XKRX: variants seen among roughly 807,000 people sequenced by gnomAD.
The protein encoded by XKRX is XK-related protein 2.
XKRX carries 11 observed loss-of-function variants against 22.4 expected under a neutral mutation model. The ratio of observed to expected loss-of-function variants is 0.49; its 90% CI spans 0.31 to 0.81. The LOEUF is 0.81. Among genes scored for constraint, XKRX ranks in the 40% least tolerant of loss-of-function variants. The probability of loss-of-function intolerance (pLI) is 0.05; values close to 1 mark genes in which losing one functional copy is unlikely to be tolerated. For missense variants in XKRX, 320 were observed against 336.5 expected (o/e 0.95, Z 0.38); for synonymous variants, 114 against 132.2 (o/e 0.86, Z 0.94).
downstream of XKRX, chrX:100,911,111 G>A (rs1246952498): frequency 1.2e-5 from 7 of 571,056 alleles, no homozygotes; most frequent in Non-Finnish European, 1.6e-5. Context: ...AGTATTAAAA[G>A]TTATTCGAAC....
intron 1 of XKRX, among the ~76,000 whole-genome samples, chrX:100,925,307 G>C (rs1469216407): frequency 8.9e-6 from 1 of 112,127 alleles, no homozygotes; most frequent in Non-Finnish European, 1.9e-5. Context: ...AAGTATGCTT[G>C]CATTTCATGT....
intron 1 of XKRX, among the ~76,000 whole-genome samples, chrX:100,924,617 T>G (rs1025678351): frequency 8.9e-6 from 1 of 112,067 alleles, no homozygotes; most frequent in Non-Finnish European, 1.9e-5. Flanking sequence ...GGACTACTTA[T>G]GACTAGTAAG....
intron 1 of XKRX, among the ~76,000 whole-genome samples, chrX:100,923,899 C>G (rs1232076121): frequency 9.9e-6 from 1 of 101,348 alleles, no homozygotes; most frequent in Admixed American, 1.1e-4. Flanking sequence ...TGCACTGGCG[C>G]GATCTCAGCT....
At chrX:100,909,291 G>C (rs2085398687), downstream of XKRX, among the ~76,000 whole-genome samples, 1 of 112,290 alleles carries the variant, frequency 8.9e-6, no homozygotes, top group Admixed American at 9.4e-5. Flanking sequence ...CTTCTCTCTA[G>C]AGAGAATTCA....
the XKRX span, among the ~76,000 whole-genome samples, chrX:100,940,128 A>G: frequency 6.2e-5 from 7 of 112,093 alleles, no homozygotes; most frequent in Non-Finnish European, 1.3e-4. Context: ...TATTAATACC[A>G]ACATTTATTG....
intron 2 of XKRX, among the ~76,000 whole-genome samples, chrX:100,920,495 G>A (rs185570424): frequency 4.3e-4 from 47 of 110,452 alleles, no homozygotes; most frequent in South Asian, 2.7e-3. Flanking sequence ...GTGAGATTAC[G>A]TTTCCTATTT....
At chrX:100,922,648 G>A in intron 2 of XKRX, 145 bp downstream of exon 2, 1 of 577,899 alleles carries the variant, frequency 1.7e-6, no homozygotes, top group Non-Finnish European at 2.6e-6. Context: ...AATGTAGCTA[G>A]TATTAATGAA....
At chrX:100,917,500 G>A (rs1317662253) in intron 2 of XKRX, among the ~76,000 whole-genome samples, 1 of 101,497 alleles carries the variant, frequency 9.9e-6, no homozygotes, top group Non-Finnish European at 2.0e-5. Flanking sequence ...TGCCTGTAAG[G>A]AGGAAGGGAA....
the XKRX span, among the ~76,000 whole-genome samples, chrX:100,891,441 T>C: frequency 9.0e-6 from 1 of 111,498 alleles, no homozygotes; most frequent in African/African-American, 3.3e-5. Context: ...TTTCAAATTA[T>C]ACTGCAGAGA....
chrX:100,914,887 C>T lies in XKRX; in HGVS notation c.801G>A (p.Leu267=), dbSNP rs1331028247. ...ILVLFSATLK[L]KAVPFLVLNF... is the part of the protein sequence containing the mutation. ...TGAGCACTAGGAAGGGCACAGCCTT[C>T]AATTTCAAAGTGGCTGAGAAGAGCA... Residue 267 remains leucine (L), a synonymous_variant, in exon 3 of 3, where the codon TTG becomes TTA. Transcript: ENST00000372956. 5.0e-6 allele frequency: 6 copies of T among 1,211,746 alleles called. No individual in the cohort carries two copies. Among genetic ancestry groups the T allele is most frequent in the Non-Finnish European group, 6.7e-6 (6 of 895,556 alleles).
At chrX:100,954,038 A>C in the XKRX span, among the ~76,000 whole-genome samples, 4 of 111,779 alleles carry the variant, frequency 3.6e-5, no homozygotes, top group Non-Finnish European at 7.5e-5. Flanking sequence ...AAACACATGA[A>C]AAGATGTACA....
the XKRX span, among the ~76,000 whole-genome samples, chrX:100,945,960 G>A: frequency 9.0e-6 from 1 of 110,740 alleles, no homozygotes; most frequent in Non-Finnish European, 1.9e-5. Context: ...CTAGGCGGAC[G>A]AATCACCTGA....
At chrX:100,949,934 C>T in the XKRX span, among the ~76,000 whole-genome samples, 1 of 111,250 alleles carries the variant, frequency 9.0e-6, no homozygotes, top group Non-Finnish European at 1.9e-5. Context: ...TAAAAAAGAA[C>T]CAAATGAAAA....
chrX:100,927,903 T>C (rs1472961750), intron 1 of XKRX, 67 bp downstream of exon 1: 6 of 1,109,072 alleles, frequency 5.4e-6, no homozygotes, highest in Non-Finnish European at 7.2e-6. Context: ...TGTAAATCTT[T>C]CATCTTTCTC....
chrX:100,908,658 T>C (rs1335171059), downstream of XKRX, among the ~76,000 whole-genome samples: 4 of 111,720 alleles, frequency 3.6e-5, no homozygotes, highest in Non-Finnish European at 7.5e-5. Context: ...AGCAAAGGCT[T>C]CAGAGAACAA....
rs200601268 is a variant in XKRX, at chrX:100,922,840, T to C, written c.557A>G (p.Tyr186Cys). The change falls in exon 2 of 3, where the codon TAT (tyrosine) becomes TGT (cysteine). Residue 186 changes from tyrosine (Y) to cysteine (C), a missense_variant. Transcript: ENST00000372956. ...AFLGSVPQLT[Y>C]QLYVSLISAE... The stretch of plus-strand genomic sequence containing the variant: ...AGAGATCAGGCTCACATAGAGCTGA[T>C]AGGTCAGCTGGGGCACTGAGCCCAG... The C allele has an allele frequency of 1.0e-3, 1,208 of 1,208,958 alleles. 5 individuals are homozygous for C. In the South Asian group the frequency reaches 0.02, roughly 20 times the overall value.
At chrX:100,936,993 CTT>C in the XKRX span, among the ~76,000 whole-genome samples, 28 of 95,416 alleles carry the variant, frequency 2.9e-4, no homozygotes, top group Non-Finnish European at 3.2e-4. Context: ...CTAACACAGC[CTT>C]TTTTTTTTTT....
chrX:100,926,905 C>T (rs2085500124), intron 1 of XKRX, among the ~76,000 whole-genome samples: 1 of 111,518 alleles, frequency 9.0e-6, no homozygotes, highest in Non-Finnish European at 1.9e-5. Flanking sequence ...ACTGATAAAC[C>T]GACAGAGAAC....
At chrX:100,955,031 C>T in the XKRX span, among the ~76,000 whole-genome samples, 28 of 111,854 alleles carry the variant, frequency 2.5e-4, no homozygotes, top group Non-Finnish European at 1.9e-5. Flanking sequence ...AAACGATGAA[C>T]TGCACATTTT....
Sources: gnomAD v4.1 joint callset for allele counts (sites outside exome capture counted in the v4.1 genomes callset) on GRCh38, gnomAD v4.1.1 for gene constraint, MANE v1.5 for transcripts, NCBI Gene and HGNC (gene_info 2026-07-23, HGNC 2026-07-21) for gene names.